Variants in SAP130 observed in about 807,000 individuals in gnomAD.
The protein encoded by SAP130 is Sin3A associated protein 130, also known as histone deacetylase complex subunit SAP130.
A neutral mutation model predicts 103.2 loss-of-function variants in SAP130; 16 were observed. The observed-to-expected ratio is 0.16, with a 90% CI of 0.10 to 0.24. The LOEUF is 0.24. Among genes scored for constraint, SAP130 ranks in the 10% least tolerant of loss-of-function variants. The pLI is 1.00. For synonymous variants in SAP130, 477 were observed against 497.0 expected, an observed-to-expected ratio of 0.96 and a Z score of 0.53; for missense variants, 990 against 1,359.7, an observed-to-expected ratio of 0.73 and a Z score of 4.28.
chr2:128,010,363 T>A lies in SAP130; in HGVS notation c.775A>T (p.Ile259Phe). Reference sequence around the variant, plus strand: ...ACAGTTGCTACCACAGCAGGAGGGATGGCATTGGAGGTGGTCACAGGTGGC... The same window carrying A: ...ACAGTTGCTACCACAGCAGGAGGGAAGGCATTGGAGGTGGTCACAGGTGGC... Reference protein sequence around the residue: ...SRPPVTTSNAIPPAVVATVSA... With the variant: ...SRPPVTTSNAFPPAVVATVSA... Residue 259 changes from isoleucine (I) to phenylalanine (F), a missense_variant, in exon 7 of 21, where the codon ATC (isoleucine) becomes TTC (phenylalanine). By Grantham distance (21) the Ile-to-Phe change is conservative (BLOSUM62 0). Around this residue, in one of 6 missense-constraint regions of SAP130, gnomAD observed 336 missense variants for 520.1 expected, o/e 0.65. Coordinates refer to ENST00000643581, the MANE Select transcript of SAP130 (RefSeq NM_001330301.2). 1 of 1,614,002 alleles carries A rather than the reference T, an allele frequency of 6.2e-7. No individual in the cohort carries two copies.
chr2:128,023,541 AG>A (rs1261371555), intron 2 of SAP130, among the ~76,000 whole-genome samples: 2 of 152,108 alleles, frequency 1.3e-5, no homozygotes, highest in African/African-American at 2.4e-5. Context: ...GCACTTTGGG[AG>A]GCTGAGGCGG....
chr2:128,017,914 G>T lies in SAP130; in HGVS notation c.114C>A (p.Val38=). The change falls in exon 3 of 21, where the codon GTC becomes GTA. Residue 38 remains valine, a splice_region_variant and synonymous_variant. Transcript: ENST00000643581. ...SAGLINPAAT[V]NDESGRDSEV... ...CAGAATCTCGACCAGATTCATCATT[G>T]ACTAGTAAAGACATTAAGAGTGAGA... 1 of 1,611,966 alleles carries T rather than the reference G, an allele frequency of 6.2e-7. No homozygotes were observed. The highest frequency in any genetic ancestry group is 1.1e-5 in the South Asian group (1 of 90,942).
Position 127,942,371 on chromosome 2 carries a change from C to T in SAP130, c.3015+53G>A. On this transcript the variant is annotated intron_variant, in intron 20 of 20. Transcript: ENST00000643581. The surrounding 1 kb of genome is among the most constrained non-coding windows in gnomAD (Gnocchi z 4.8). ...GGGAAACGGGAGAAGTAGGGCTTTA[C>T]AGAAAGCAACTTCATAAAGTAGATG... 1 of 1,351,060 alleles carries T rather than the reference C, an allele frequency of 7.4e-7. No individual in the cohort carries two copies. The highest frequency in any genetic ancestry group is 1.1e-6 in the Non-Finnish European group (1 of 941,966). The allele number at this position is 1,351,060 out of a possible 1,614,324, so 83.7% of individuals were successfully genotyped here.
intron 7 of SAP130, among the ~76,000 whole-genome samples, chr2:128,009,770 C>G (rs1428297190): frequency 6.6e-6 from 1 of 152,182 alleles, no homozygotes; most frequent in Non-Finnish European, 1.5e-5. Context: ...CTCTTGCCAC[C>G]TTGGCCTCAC....
rs375894585 is a variant in SAP130, at chr2:127,964,652, A to C, written c.2064-9308T>G. ...GCTGAAAAACTAGAAAACAAACAAA[A>C]AAAAATAAAGGAAACAATAAATATA... On this transcript the variant is annotated intron_variant, in intron 15 of 20. Transcript: ENST00000643581. Among the ~76,000 whole-genome samples, 65 of 152,160 alleles carry C rather than the reference A, an allele frequency of 4.3e-4. 1 individual carries two copies. In the South Asian group the frequency reaches 6.4e-3, roughly 15 times the overall value.
chr2:128,005,538 C>T (rs1448019060), intron 7 of SAP130, among the ~76,000 whole-genome samples: 2 of 151,952 alleles, frequency 1.3e-5, no homozygotes, highest in African/African-American at 4.8e-5. Flanking sequence ...TGGCTTGAAC[C>T]CGGGGGGTGG....
At chr2:128,017,000 C>G (rs1333902218) in intron 3 of SAP130, among the ~76,000 whole-genome samples, 1 of 152,230 alleles carries the variant, frequency 6.6e-6, no homozygotes, top group East Asian at 1.9e-4. Context: ...TCCACTTGGT[C>G]CCATGGTACT....
chr2:128,000,153 G>A lies in SAP130; in HGVS notation c.1018-7C>T, dbSNP rs763977494. The A allele has an allele frequency of 1.9e-6, 3 of 1,613,804 alleles. No individual in the cohort carries two copies. The highest frequency in any genetic ancestry group is 2.7e-5 in the African/African-American group (2 of 74,906). ...CAGTACTGAAGATTGTTTTCTGTGA[G>A]GGAAACCCCACAACACAGTTATAAG... On this transcript the variant is annotated splice_region_variant and splice_polypyrimidine_tract_variant and intron_variant, in intron 8 of 20. Coordinates refer to ENST00000643581, the MANE Select transcript of SAP130 (RefSeq NM_001330301.2).
At chr2:127,977,953 A>G in intron 15 of SAP130, 32 bp downstream of exon 15, 1 of 1,461,572 alleles carries the variant, frequency 6.8e-7, no homozygotes, top group Non-Finnish European at 9.4e-7. Context: ...TGTGGGTAAA[A>G]GCAAGAGTGC....
intron 2 of SAP130, among the ~76,000 whole-genome samples, chr2:128,025,927 A>G (rs1685469862): frequency 6.6e-6 from 1 of 152,242 alleles, no homozygotes. Context: ...AAACAAGAAT[A>G]TATTAATGCA....
chr2:128,013,650 T>G (rs1684558137), intron 5 of SAP130, among the ~76,000 whole-genome samples: 1 of 152,240 alleles, frequency 6.6e-6, no homozygotes, highest in Non-Finnish European at 1.5e-5. Flanking sequence ...AACCTGGTCT[T>G]GCGTTTGCTA....
chr2:128,008,834 C>T (rs1463879336), intron 7 of SAP130, among the ~76,000 whole-genome samples: 1 of 151,896 alleles, frequency 6.6e-6, no homozygotes, highest in African/African-American at 2.4e-5. Flanking sequence ...CATAGGTACA[C>T]ACCACCATGC....
chr2:128,009,836 G>C (rs1386288004), intron 7 of SAP130, among the ~76,000 whole-genome samples: 1 of 152,132 alleles, frequency 6.6e-6, no homozygotes, highest in African/African-American at 2.4e-5. Flanking sequence ...TGCGCTCACT[G>C]TTCCCACTGC....
chr2:127,947,844 T>C (rs1326672815), intron 18 of SAP130, among the ~76,000 whole-genome samples: 1 of 151,616 alleles, frequency 6.6e-6, no homozygotes, highest in African/African-American at 2.4e-5. Flanking sequence ...TGAAGAGCAG[T>C]AGCATGATCT....
intron 16 of SAP130, among the ~76,000 whole-genome samples, chr2:127,951,075 T>C (rs1186673121): frequency 6.6e-6 from 1 of 152,224 alleles, no homozygotes; most frequent in Non-Finnish European, 1.5e-5. Context: ...TAAGTAGGCA[T>C]TATTATTATC....
At chr2:127,950,093 G>A (rs1007222216) in intron 17 of SAP130, 67 bp downstream of exon 17, 5 of 1,607,852 alleles carry the variant, frequency 3.1e-6, no homozygotes, top group Middle Eastern at 1.7e-4. Flanking sequence ...ACTATGTAAC[G>A]AGCCTCTGGG....
Position 127,999,807 on chromosome 2 carries a change from C to G in SAP130, c.1147G>C (p.Val383Leu), listed in dbSNP as rs754904533. The part of the protein sequence containing the change: ...SHTQAPTSTI[V>L]TMTVPSHSSH... ...GAATGGGAGGGTACTGTCATGGTAA[C>G]AATGGTACTTGTGGGAGCTTGCGTG... Residue 383 changes from valine (V) to leucine (L), a missense_variant, in exon 10 of 21, where the codon GTT becomes CTT. This residue lies in a region of SAP130 where 336 missense variants were observed against 520.1 expected (regional missense o/e 0.65). Coordinates refer to ENST00000643581, the MANE Select transcript of SAP130 (RefSeq NM_001330301.2). The G allele has an allele frequency of 6.5e-7, 1 of 1,537,864 alleles. No homozygotes were observed.
chr2:127,979,139 A>G (rs1681682510), intron 14 of SAP130, among the ~76,000 whole-genome samples: 2 of 152,188 alleles, frequency 1.3e-5, no homozygotes, highest in African/African-American at 4.8e-5. Context: ...ACAGAAAGGG[A>G]AGGGAGATTT....
At chr2:127,992,436 G>A (rs777506141) in intron 12 of SAP130, among the ~76,000 whole-genome samples, 2 of 151,902 alleles carry the variant, frequency 1.3e-5, no homozygotes, top group South Asian at 2.1e-4. Flanking sequence ...ATGTGCCACC[G>A]TGCCTGGCTA....
Sources: allele counts gnomAD v4.1 joint callset (sites outside exome capture counted in the v4.1 genomes callset), GRCh38; gene constraint gnomAD v4.1.1; regional missense constraint gnomAD v4.1.1; non-coding constraint Gnocchi (gnomAD v3.1); transcripts MANE v1.5; gene names NCBI Gene and HGNC (gene_info 2026-07-23, HGNC 2026-07-21).